Variants in KDM7A observed in about 807,000 individuals in gnomAD.
KDM7A encodes lysine-specific demethylase 7A.
KDM7A carries 28 observed loss-of-function variants against 114.8 expected under a neutral mutation model. That is an observed-to-expected ratio of 0.24 (90% CI 0.18 to 0.33). The LOEUF (loss-of-function observed/expected upper bound fraction) is 0.33. Among genes scored for constraint, KDM7A ranks in the 10% least tolerant of loss-of-function variants. The pLI is 1.00. For synonymous variants in KDM7A, 423 were observed against 397.8 expected (o/e 1.06, Z -0.75); for missense variants, 942 against 1,142.5 (o/e 0.82, Z 2.53).
At chr7:140,118,959 G>A (rs772315805) in intron 9 of KDM7A, among the ~76,000 whole-genome samples, 154 bp downstream of exon 9, 7 of 152,142 alleles carry the variant, frequency 4.6e-5, no homozygotes, top group African/African-American at 1.2e-4. Flanking sequence ...TGCTAAAAAG[G>A]TTGCTGGATG....
intron 1 of KDM7A, among the ~76,000 whole-genome samples, chr7:140,171,881 C>T (rs1248331894): frequency 6.6e-6 from 1 of 151,940 alleles, no homozygotes; most frequent in Non-Finnish European, 1.5e-5. Flanking sequence ...GCTTGGTATT[C>T]CATTTTATGA....
intron 1 of KDM7A, among the ~76,000 whole-genome samples, chr7:140,168,839 T>C (rs145222344): frequency 1.1e-3 from 164 of 152,350 alleles, no homozygotes; most frequent in African/African-American, 3.4e-3. Flanking sequence ...AACAAATATG[T>C]TGTAGATAAT....
chr7:140,132,706 T>C (rs1818807731), intron 3 of KDM7A, among the ~76,000 whole-genome samples: 1 of 152,256 alleles, frequency 6.6e-6, no homozygotes, highest in Admixed American at 6.5e-5. Flanking sequence ...TCAACAGACC[T>C]GAGGGAGCCA....
intron 9 of KDM7A, among the ~76,000 whole-genome samples, chr7:140,116,035 G>A (rs1391589319): frequency 1.3e-5 from 2 of 151,998 alleles, no homozygotes; most frequent in Non-Finnish European, 2.9e-5. Flanking sequence ...ACCAAGTGTT[G>A]GCCAGAGCAT....
At position 140,171,532 on chromosome 7, in the gene KDM7A, T is replaced by C. The variant is rs149492157; in HGVS notation, c.194+5212A>G. Among the ~76,000 whole-genome samples, 194 of 144,108 alleles carry C rather than the reference T, an allele frequency of 1.3e-3. 1 individual carries two copies. The East Asian group carries it at 0.025, about 19-fold the overall frequency. 94.5% of individuals were successfully genotyped at this position (144,108 alleles called of 152,430 possible). A position where few individuals can be genotyped will look rare whatever the true frequency, so the allele number is the denominator to read the frequency against. Reference sequence around the variant, plus strand: ...ATATATATTTATAAATATATATTTATTTATATATTTATAAATATATATTTA... The same window carrying C: ...ATATATATTTATAAATATATATTTACTTATATATTTATAAATATATATTTA... On this transcript the variant is annotated intron_variant, in intron 1 of 19. Transcript: ENST00000397560.
In KDM7A at chr7:140,174,463, T is replaced by TA. The variant is rs1411081715; in HGVS notation, c.194+2280dup. 5.3e-5 allele frequency among the ~76,000 whole-genome samples: 8 copies of TA among 152,334 alleles called. No individual in the cohort carries two copies. In the South Asian group the frequency reaches 1.7e-3, roughly 32 times the overall value. On this transcript the variant is annotated intron_variant, in intron 1 of 19. Coordinates refer to ENST00000397560, the MANE Select transcript of KDM7A (RefSeq NM_030647.2). ...ATTTCCCTATTTACAAGTGTATACT[T>TA]ACATGTATTACAAAATTCTCCATCA...
chr7:140,132,134 C>T (rs1231874151), intron 3 of KDM7A, among the ~76,000 whole-genome samples: 1 of 152,128 alleles, frequency 6.6e-6, no homozygotes, highest in African/African-American at 2.4e-5. Flanking sequence ...ATAATTCATT[C>T]ACTTTATTTT....
chr7:140,144,710 T>TAA (rs1554400028), intron 1 of KDM7A, among the ~76,000 whole-genome samples: 1 of 146,322 alleles, frequency 6.8e-6, no homozygotes, highest in Admixed American at 6.8e-5. Flanking sequence ...GTCCCCACCA[T>TAA]ACACACACAC....
chr7:140,108,086 C>T (rs1009408678), intron 11 of KDM7A, among the ~76,000 whole-genome samples: 5 of 152,170 alleles, frequency 3.3e-5, no homozygotes, highest in African/African-American at 7.2e-5. Flanking sequence ...CTTGTGCATG[C>T]GTCACATAGT....
At chr7:140,138,135 T>C (rs914287055) in intron 2 of KDM7A, among the ~76,000 whole-genome samples, 5 of 151,980 alleles carry the variant, frequency 3.3e-5, no homozygotes, top group South Asian at 2.1e-4. Flanking sequence ...AAGTGAGACC[T>C]TGTCTTTACA....
At chr7:140,174,322 T>C (rs1794677924) in intron 1 of KDM7A, among the ~76,000 whole-genome samples, 1 of 152,212 alleles carries the variant, frequency 6.6e-6, no homozygotes, top group African/African-American at 2.4e-5. Flanking sequence ...CAAAAAAACC[T>C]ATTTTAGACT....
At chr7:140,156,730 C>T (rs969245606) in intron 1 of KDM7A, among the ~76,000 whole-genome samples, 9 of 152,222 alleles carry the variant, frequency 5.9e-5, no homozygotes, top group African/African-American at 1.7e-4. Context: ...GTACAAGCTG[C>T]TGAGCTCCTG....
chr7:140,122,883 C>G (rs1818637903), intron 7 of KDM7A, among the ~76,000 whole-genome samples: 2 of 152,296 alleles, frequency 1.3e-5, no homozygotes, highest in South Asian at 4.1e-4. Context: ...AAATTAAAAA[C>G]TTTTGTGCAT....
Position 140,124,637 on chromosome 7 carries a change from G to A in KDM7A, c.1035C>T (p.Thr345=), listed in dbSNP as rs1176392054. 3 of 1,611,092 alleles carry A rather than the reference G, an allele frequency of 1.9e-6. No homozygotes were observed. The highest frequency in any genetic ancestry group is 2.5e-6 in the Non-Finnish European group (3 of 1,178,882). Residue 345 remains threonine, a synonymous_variant, in exon 7 of 20, where the codon ACC becomes ACT. Coordinates refer to ENST00000397560, the MANE Select transcript of KDM7A (RefSeq NM_030647.2). ...CYKCVVKQGH[T]LFVPTGWIHA... is the part of the protein sequence containing the mutation. ...AAACCTTACCTGTAGGAACAAATAA[G>A]GTATGTCCCTGCTTTACCACACATT...
intron 5 of KDM7A, 56 bp downstream of exon 5, chr7:140,127,384 TTA>T (rs1491507561): frequency 1.4e-6 from 2 of 1,412,402 alleles, no homozygotes; most frequent in East Asian, 4.6e-5. Context: ...AAATACATCA[TTA>T]CACTACATTT....
chr7:140,112,134 C>A (rs1818443949), intron 10 of KDM7A, among the ~76,000 whole-genome samples: 1 of 152,168 alleles, frequency 6.6e-6, no homozygotes, highest in South Asian at 2.1e-4. Context: ...AGGTCTTTCA[C>A]AGTGGAGGAC....
chr7:140,126,475 C>T (rs1818704952), intron 6 of KDM7A, among the ~76,000 whole-genome samples, 162 bp downstream of exon 6: 1 of 141,952 alleles, frequency 7.0e-6, no homozygotes, highest in African/African-American at 2.6e-5. Context: ...AAAAAAAAAT[C>T]GTAACGTTTA....
intron 8 of KDM7A, 80 bp downstream of exon 8, chr7:140,120,362 T>C (rs1818598891): frequency 7.7e-6 from 6 of 783,634 alleles, no homozygotes; most frequent in African/African-American, 3.5e-5. Context: ...AAATAAGCTA[T>C]TGATTTTTTT....
chr7:140,145,602 C>T (rs991742244), intron 1 of KDM7A, among the ~76,000 whole-genome samples: 4 of 152,076 alleles, frequency 2.6e-5, no homozygotes, highest in Admixed American at 1.3e-4. Flanking sequence ...AGTTCAAAAC[C>T]AAACTTCCCT....
Sources: gnomAD v4.1 joint callset for allele counts (sites outside exome capture counted in the v4.1 genomes callset) on GRCh38, gnomAD v4.1.1 for gene constraint, MANE v1.5 for transcripts, NCBI Gene and HGNC (gene_info 2026-07-23, HGNC 2026-07-21) for gene names.